The following XPR1 variants were observed in gnomAD, a reference collection of about 807,000 sequenced individuals.
The protein encoded by XPR1 is solute carrier family 53 member 1.
XPR1 carries 28 observed loss-of-function variants against 87.5 expected under a neutral mutation model. The observed-to-expected ratio is 0.32, with a 90% CI of 0.24 to 0.44. The LOEUF (loss-of-function observed/expected upper bound fraction) is 0.44. Ranked by LOEUF, XPR1 falls within the 20% of genes least tolerant of loss-of-function variation. The pLI, the probability that XPR1 is intolerant of heterozygous loss-of-function variation, is 1.00. For synonymous variants in XPR1, 300 were observed against 306.1 expected (o/e 0.98, Z 0.21); for missense variants, 559 against 862.3 (o/e 0.65, Z 4.41).
chr1:180,811,508 A>T lies in XPR1; in HGVS notation c.763+20A>T, dbSNP rs372391148. On this transcript the variant is annotated intron_variant, in intron 7 of 14. Coordinates refer to ENST00000367590, the MANE Select transcript of XPR1 (RefSeq NM_004736.4). ...TTGCCGGTAAGTAGTTTAAATTTTG[A>T]ATTAATTTATTCTTACCAATATGCC... The T allele has an allele frequency of 2.5e-6, 4 of 1,591,150 alleles. No individual in the cohort carries two copies. The highest frequency in any genetic ancestry group is 3.4e-6 in the Non-Finnish European group (4 of 1,160,946).
chr1:180,680,659 G>T (rs555845667), intron 1 of XPR1, among the ~76,000 whole-genome samples: 48 of 152,184 alleles, frequency 3.2e-4, no homozygotes, highest in African/African-American at 1.1e-3. Context: ...ACTGCGCCCG[G>T]CCCAAATAGA....
chr1:180,831,365 T>TTTCTTC (rs751503719), intron 9 of XPR1, among the ~76,000 whole-genome samples: 3 of 137,832 alleles, frequency 2.2e-5, no homozygotes, highest in African/African-American at 8.3e-5. Flanking sequence ...TCTTTTTCTT[T>TTTCTTC]TTTTTTTTTT....
At chr1:180,757,181 T>G (rs1436146596) in intron 2 of XPR1, among the ~76,000 whole-genome samples, 1 of 152,224 alleles carries the variant, frequency 6.6e-6, no homozygotes, top group Non-Finnish European at 1.5e-5. Flanking sequence ...TAAAATTTAA[T>G]CTATCTTTCA....
intron 13 of XPR1, among the ~76,000 whole-genome samples, chr1:180,876,385 C>T (rs1164098740): frequency 1.3e-5 from 2 of 152,130 alleles, no homozygotes; most frequent in Non-Finnish European, 2.9e-5. Flanking sequence ...CCTGTAATCC[C>T]AGCACTTTGG....
chr1:180,671,393 A>G lies in XPR1; in HGVS notation c.70-10967A>G, dbSNP rs564990802. On this transcript the variant is annotated intron_variant, in intron 1 of 14. Coordinates refer to ENST00000367590, the MANE Select transcript of XPR1 (RefSeq NM_004736.4). ...AAGGCAAAAGAGGATGTGGCAGTGGAATTGACTGTATCAGATCTGTACATG... is the reference window on the plus strand; with the variant it reads ...AAGGCAAAAGAGGATGTGGCAGTGGGATTGACTGTATCAGATCTGTACATG... Among the ~76,000 whole-genome samples the G allele has an allele frequency of 7.8e-3, 1,184 of 152,300 alleles. 17 individuals are homozygous for G. The highest frequency in any genetic ancestry group is 0.027 in the African/African-American group (1,130 of 41,562).
At chr1:180,680,875 G>A (rs981321216) in intron 1 of XPR1, among the ~76,000 whole-genome samples, 1 of 152,156 alleles carries the variant, frequency 6.6e-6, no homozygotes, top group Non-Finnish European at 1.5e-5. Context: ...ACATTATTCA[G>A]TATAAAAAGA....
intron 1 of XPR1, among the ~76,000 whole-genome samples, chr1:180,647,818 T>G (rs1198646707): frequency 6.7e-6 from 1 of 149,924 alleles, no homozygotes; most frequent in African/African-American, 2.5e-5. Flanking sequence ...CGAGAATTGC[T>G]TGAACCCAGG....
At chr1:180,748,181 T>C (rs1164020352) in intron 2 of XPR1, among the ~76,000 whole-genome samples, 1 of 152,128 alleles carries the variant, frequency 6.6e-6, no homozygotes, top group Non-Finnish European at 1.5e-5. Flanking sequence ...TGTGAAACAT[T>C]TCTATGGTGT....
chr1:180,820,657 T>C (rs552833414), intron 7 of XPR1, among the ~76,000 whole-genome samples: 2 of 152,328 alleles, frequency 1.3e-5, no homozygotes, highest in South Asian at 4.1e-4. Flanking sequence ...CACAGAGGCT[T>C]TACCATTTTC....
At chr1:180,836,491 T>C (rs1281171107) in intron 10 of XPR1, 31 bp from the exon 11 acceptor site, 7 of 1,612,280 alleles carry the variant, frequency 4.3e-6, no homozygotes, top group Non-Finnish European at 5.9e-6. Context: ...TTTTTTTCAA[T>C]GGTAATTTTT....
At chr1:180,801,504 T>C (rs1167574338) in intron 3 of XPR1, among the ~76,000 whole-genome samples, 2 of 152,072 alleles carry the variant, frequency 1.3e-5, no homozygotes, top group Non-Finnish European at 1.5e-5. Context: ...AAATAGATTA[T>C]AAAAGTTAAG....
chr1:180,835,420 C>G (rs1239771146), intron 10 of XPR1, among the ~76,000 whole-genome samples: 2 of 152,060 alleles, frequency 1.3e-5, no homozygotes, highest in Non-Finnish European at 2.9e-5. Flanking sequence ...AGAAATAGAT[C>G]AAGTGCTTTG....
At chr1:180,740,452 A>C (rs1017865397) in intron 2 of XPR1, among the ~76,000 whole-genome samples, 1 of 151,702 alleles carries the variant, frequency 6.6e-6, no homozygotes, top group African/African-American at 2.4e-5. Flanking sequence ...ACTGTAATTT[A>C]GATTACATTT....
chr1:180,773,606 A>G (rs2102068931), intron 2 of XPR1, among the ~76,000 whole-genome samples: 1 of 152,310 alleles, frequency 6.6e-6, no homozygotes, highest in Non-Finnish European at 1.5e-5. Flanking sequence ...TTTTGACATA[A>G]CATTTTCTTT....
intron 2 of XPR1, among the ~76,000 whole-genome samples, chr1:180,692,424 A>G (rs1657024008): frequency 6.6e-6 from 1 of 152,056 alleles, no homozygotes; most frequent in African/African-American, 2.4e-5. Flanking sequence ...TAAGAATGAT[A>G]TATTTTATTC....
At chr1:180,744,398 T>G (rs1000013434) in intron 2 of XPR1, among the ~76,000 whole-genome samples, 1 of 152,158 alleles carries the variant, frequency 6.6e-6, no homozygotes, top group Non-Finnish European at 1.5e-5. Flanking sequence ...TTTCTATTCC[T>G]TTCAAGAATA....
chr1:180,642,886 A>G lies in XPR1; in HGVS notation c.69+10616A>G, dbSNP rs181219432. ...TAGAGATTGAGTATGATGTTAACACATAGTGAAGAGGGGAAAGGGCACCTG... is the reference window on the plus strand; with the variant it reads ...TAGAGATTGAGTATGATGTTAACACGTAGTGAAGAGGGGAAAGGGCACCTG... On this transcript the variant is annotated intron_variant, in intron 1 of 14. Transcript: ENST00000367590. Among the ~76,000 whole-genome samples the G allele has an allele frequency of 2.6e-3, 394 of 152,236 alleles. 1 individual carries two copies. The highest frequency in any genetic ancestry group is 4.4e-3 in the Non-Finnish European group (297 of 67,996).
chr1:180,705,177 G>A (rs1657517695), intron 2 of XPR1, among the ~76,000 whole-genome samples: 1 of 151,968 alleles, frequency 6.6e-6, no homozygotes, highest in African/African-American at 2.4e-5. Flanking sequence ...TTGGGGGTGG[G>A]GGATCTACCT....
At chr1:180,645,657 A>G (rs1655097567) in intron 1 of XPR1, among the ~76,000 whole-genome samples, 1 of 152,200 alleles carries the variant, frequency 6.6e-6, no homozygotes. Context: ...CTAAGAGAAG[A>G]TGTGTGTGCT....
Sources: allele counts gnomAD v4.1 joint callset (sites outside exome capture counted in the v4.1 genomes callset), GRCh38; gene constraint gnomAD v4.1.1; transcripts MANE v1.5; gene names NCBI Gene and HGNC (gene_info 2026-07-23, HGNC 2026-07-21).